Variants in EFCAB6 observed in about 807,000 individuals in gnomAD.
EFCAB6 encodes EF-hand calcium-binding domain-containing protein 6.
EFCAB6 carries 156 observed loss-of-function variants against 169.8 expected under a neutral mutation model. The ratio of observed to expected loss-of-function variants is 0.92; its 90% CI spans 0.81 to 1.05. EFCAB6 has a LOEUF of 1.05. Ranked by LOEUF, EFCAB6 falls within the 50% of genes least tolerant of loss-of-function variation. The pLI, the probability that EFCAB6 is intolerant of heterozygous loss-of-function variation, is 0.00. For missense variants in EFCAB6, 1,800 were observed against 1,829.1 expected (o/e 0.98, Z 0.29); for synonymous variants, 698 against 676.4 (o/e 1.03, Z -0.50).
At chr22:43,624,065 A>G (rs147348122) in intron 20 of EFCAB6, among the ~76,000 whole-genome samples, 15 of 152,236 alleles carry the variant, frequency 9.9e-5, no homozygotes, top group African/African-American at 3.6e-4. Context: ...ACTGCTCATT[A>G]TCTGTGTCCT....
intron 17 of EFCAB6, among the ~76,000 whole-genome samples, chr22:43,645,207 T>G (rs992435984): frequency 8.5e-5 from 13 of 152,226 alleles, no homozygotes; most frequent in African/African-American, 3.1e-4. Context: ...CAATAAAAAT[T>G]CACTTACACC....
chr22:43,662,015 A>T (rs1230657532), intron 17 of EFCAB6, among the ~76,000 whole-genome samples: 1 of 151,958 alleles, frequency 6.6e-6, no homozygotes, highest in Non-Finnish European at 1.5e-5. Flanking sequence ...TCTACTGAAA[A>T]TATAAAAATT....
intron 3 of EFCAB6, among the ~76,000 whole-genome samples, chr22:43,775,341 C>T (rs970605763): frequency 2.0e-5 from 3 of 152,158 alleles, no homozygotes; most frequent in African/African-American, 7.2e-5. Context: ...CACTTGAATC[C>T]GGTGGGCCCA....
At chr22:43,624,349 C>G (rs1196014960) in intron 20 of EFCAB6, among the ~76,000 whole-genome samples, 1 of 152,148 alleles carries the variant, frequency 6.6e-6, no homozygotes, top group Non-Finnish European at 1.5e-5. Context: ...TTCTAAAGCA[C>G]AGTGTAACTC....
At chr22:43,561,445 C>G (rs1002611982) in intron 26 of EFCAB6, among the ~76,000 whole-genome samples, 24 of 152,116 alleles carry the variant, frequency 1.6e-4, no homozygotes, top group Non-Finnish European at 1.2e-4. Context: ...ACCCCGCCCC[C>G]CTCAGCCACC....
intron 27 of EFCAB6, among the ~76,000 whole-genome samples, chr22:43,545,003 C>T (rs1482253273): frequency 6.6e-6 from 1 of 151,824 alleles, no homozygotes; most frequent in East Asian, 1.9e-4. Context: ...AAAAATTAGC[C>T]GGGCGTGGTG....
chr22:43,623,429 C>T (rs1056545550), intron 20 of EFCAB6, among the ~76,000 whole-genome samples: 4 of 152,054 alleles, frequency 2.6e-5, no homozygotes, highest in African/African-American at 9.7e-5. Flanking sequence ...TATTTATATA[C>T]CTTAAAATGA....
chr22:43,537,468 C>T lies in EFCAB6; in HGVS notation c.3957G>A (p.Lys1319=). ...GCTGGCGCCAGCAGCCCTGGATTCT[C>T]TTCCGGAGCCTGCTCTCTATGGGAT... ...NCDPIESRLR[K]RIQGCWRQLL... Residue 1319 remains lysine, a synonymous_variant, in exon 29 of 32, where the codon AAG becomes AAA. Transcript: ENST00000262726. This position sits in a 1 kb window ranked among gnomAD's most constrained non-coding sequence, Gnocchi z 4.3. 1 of 1,614,162 alleles carries T rather than the reference C, an allele frequency of 6.2e-7. No individual in the cohort carries two copies. The highest frequency in any genetic ancestry group is 8.5e-7 in the Non-Finnish European group (1 of 1,180,024).
rs2058679584 is a variant in EFCAB6 at position 43,699,149 on chromosome 22, A to G, written c.1032-11568T>C. Among the ~76,000 whole-genome samples, 4 of 152,086 alleles carry G rather than the reference A, an allele frequency of 2.6e-5. No homozygotes were observed. In the South Asian group the frequency reaches 8.3e-4, roughly 32 times the overall value. ...TCTAGATCCACTTTCTGCTCTTATC[A>G]ACTCTGCATGACACGCAGGTGGGTT... On this transcript the variant is annotated intron_variant, in intron 10 of 31. Coordinates refer to ENST00000262726, the MANE Select transcript of EFCAB6 (RefSeq NM_022785.4).
chr22:43,763,425 T>C (rs921481075), intron 5 of EFCAB6, among the ~76,000 whole-genome samples: 7 of 152,100 alleles, frequency 4.6e-5, no homozygotes, highest in African/African-American at 9.7e-5. Flanking sequence ...TATATTCACA[T>C]TGTTGTGCAA....
At chr22:43,770,907 C>CT (rs1041389497) in intron 4 of EFCAB6, among the ~76,000 whole-genome samples, 11 of 111,324 alleles carry the variant, frequency 9.9e-5, no homozygotes, top group South Asian at 3.7e-4. Flanking sequence ...TAGAACTGTA[C>CT]TTTTTTTTAA....
At chr22:43,782,101 T>C (rs1366330453) in intron 3 of EFCAB6, 79 bp downstream of exon 3, 17 of 1,423,196 alleles carry the variant, frequency 1.2e-5, no homozygotes, top group East Asian at 9.2e-5. Context: ...TATGAGTCCT[T>C]TGAACTAAGC....
chr22:43,767,913 A>C (rs1170780007), intron 4 of EFCAB6, among the ~76,000 whole-genome samples: 2 of 152,236 alleles, frequency 1.3e-5, no homozygotes, highest in Non-Finnish European at 2.9e-5. Context: ...GGTGTTTACA[A>C]TTCTGGCAAA....
chr22:43,568,508 C>T (rs1191322812), intron 26 of EFCAB6, among the ~76,000 whole-genome samples: 2 of 152,108 alleles, frequency 1.3e-5, no homozygotes, highest in African/African-American at 2.4e-5. Flanking sequence ...GGGCTGGTTG[C>T]ACCGTTGTCC....
intron 10 of EFCAB6, among the ~76,000 whole-genome samples, chr22:43,701,650 A>G (rs555736616): frequency 6.6e-6 from 1 of 151,986 alleles, no homozygotes; most frequent in South Asian, 2.1e-4. Flanking sequence ...GTGGGAAAAT[A>G]GATTATCTAT....
chr22:43,590,966 C>A (rs949137681), intron 23 of EFCAB6, among the ~76,000 whole-genome samples: 1 of 151,816 alleles, frequency 6.6e-6, no homozygotes, highest in Non-Finnish European at 1.5e-5. Context: ...CCAGAGACCC[C>A]ATTTTGTTTT....
intron 2 of EFCAB6, among the ~76,000 whole-genome samples, chr22:43,789,377 C>T (rs374238487): frequency 6.6e-5 from 10 of 152,270 alleles, no homozygotes; most frequent in Admixed American, 6.5e-5. Context: ...CCAAGGGAGA[C>T]GTTGCTTCCG....
At chr22:43,551,266 T>C (rs867313396) in intron 27 of EFCAB6, among the ~76,000 whole-genome samples, 16 of 152,308 alleles carry the variant, frequency 1.1e-4, no homozygotes, top group African/African-American at 3.8e-4. Flanking sequence ...AAGGAGGAAA[T>C]GCATGGAGCT....
intron 17 of EFCAB6, among the ~76,000 whole-genome samples, chr22:43,648,236 C>T (rs1280135233): frequency 1.3e-5 from 2 of 151,966 alleles, no homozygotes; most frequent in Non-Finnish European, 2.9e-5. Context: ...AGGGGTGTGC[C>T]CACACACAGG....
Sources: gnomAD v4.1 joint callset for allele counts (sites outside exome capture counted in the v4.1 genomes callset) on GRCh38, gnomAD v4.1.1 for gene constraint, Gnocchi (gnomAD v3.1) non-coding constraint, MANE v1.5 for transcripts, NCBI Gene and HGNC (gene_info 2026-07-23, HGNC 2026-07-21) for gene names.